The following CNKSR2 variants were observed in gnomAD, a reference collection of about 807,000 sequenced individuals.
The protein encoded by CNKSR2 is CNK homolog protein 2.
Under a neutral mutation model 84.4 loss-of-function variants are expected in CNKSR2, and 14 were observed. The ratio of observed to expected loss-of-function variants is 0.17; its 90% CI spans 0.11 to 0.26. The LOEUF (loss-of-function observed/expected upper bound fraction) is 0.26. CNKSR2 is among the 10% of genes least tolerant of loss of function. The pLI, the probability that CNKSR2 is intolerant of heterozygous loss-of-function variation, is 1.00. For synonymous variants in CNKSR2, 275 were observed against 277.9 expected (o/e 0.99, Z 0.10); for missense variants, 485 against 771.2 (o/e 0.63, Z 4.40).
intron 4 of CNKSR2, among the ~76,000 whole-genome samples, chrX:21,462,304 G>C (rs998064466): frequency 1.8e-5 from 2 of 111,800 alleles, no homozygotes; most frequent in Non-Finnish European, 3.8e-5. Flanking sequence ...TATTGAAAAT[G>C]GGATTATTTT....
At chrX:21,563,189 T>C in intron 12 of CNKSR2, 49 bp from the exon 13 acceptor site, 2 of 953,540 alleles carry the variant, frequency 2.1e-6, no homozygotes. Context: ...AATGGTAAAT[T>C]TGGGGTATTT....
At chrX:21,408,671 C>G (rs1180741338) in intron 1 of CNKSR2, among the ~76,000 whole-genome samples, 1 of 111,267 alleles carries the variant, frequency 9.0e-6, no homozygotes, top group African/African-American at 3.3e-5. Context: ...CTTTTGTTTA[C>G]CCTTTTATGT....
At chrX:21,424,722 G>T (rs771926152) in intron 1 of CNKSR2, 3 of 111,664 alleles carry the variant, frequency 2.7e-5, no homozygotes, top group Non-Finnish European at 5.7e-5. Context: ...TATCTCCAGC[G>T]TTCACAGCAG....
intron 1 of CNKSR2, among the ~76,000 whole-genome samples, chrX:21,415,481 C>T (rs2147024512): frequency 9.2e-6 from 1 of 109,197 alleles, no homozygotes; most frequent in African/African-American, 3.3e-5. Flanking sequence ...ATAAGATCAT[C>T]TCATCAGCAA....
intron 20 of CNKSR2, among the ~76,000 whole-genome samples, chrX:21,632,988 T>TACAC (rs1259737637): frequency 2.1e-5 from 2 of 96,822 alleles, no homozygotes; most frequent in African/African-American, 8.1e-5. Context: ...ACTTATATAA[T>TACAC]ATACACACAC....
chrX:21,621,900 A>T (rs1378651357), intron 20 of CNKSR2, among the ~76,000 whole-genome samples: 2 of 111,589 alleles, frequency 1.8e-5, no homozygotes, highest in Non-Finnish European at 3.8e-5. Context: ...ATTTATATTT[A>T]TATCAGGTTT....
intron 20 of CNKSR2, among the ~76,000 whole-genome samples, chrX:21,626,893 G>A (rs961696841): frequency 8.9e-6 from 1 of 112,035 alleles, no homozygotes; most frequent in Non-Finnish European, 1.9e-5. Flanking sequence ...ATTGGATAAG[G>A]AAATGAATTC....
At chrX:21,578,664 C>A (rs1027256578) in intron 13 of CNKSR2, among the ~76,000 whole-genome samples, 1 of 109,643 alleles carries the variant, frequency 9.1e-6, no homozygotes, top group Non-Finnish European at 1.9e-5. Context: ...AGTTACTCTG[C>A]ATGTAAGGGA....
chrX:21,548,967 A>G (rs1301399138), intron 11 of CNKSR2, among the ~76,000 whole-genome samples: 2 of 112,543 alleles, frequency 1.8e-5, no homozygotes, highest in Non-Finnish European at 3.7e-5. Context: ...CCAATATCAT[A>G]CTGAATGGGC....
At chrX:21,482,058 C>T (rs943450595) in intron 5 of CNKSR2, among the ~76,000 whole-genome samples, 23 of 111,669 alleles carry the variant, frequency 2.1e-4, no homozygotes, top group African/African-American at 7.5e-4. Context: ...AGCCTCCAAC[C>T]TTGTAGTAAT....
intron 1 of CNKSR2, among the ~76,000 whole-genome samples, chrX:21,390,510 A>G (rs1478253463): frequency 9.0e-6 from 1 of 111,062 alleles, no homozygotes; most frequent in Non-Finnish European, 1.9e-5. Context: ...GAAAGGTGCC[A>G]CACACTTTGA....
At chrX:21,464,311 C>A (rs2091099296) in intron 4 of CNKSR2, among the ~76,000 whole-genome samples, 1 of 112,035 alleles carries the variant, frequency 8.9e-6, no homozygotes. Context: ...ACACTCTCAT[C>A]ATCAGGCAGC....
chrX:21,394,814 A>C (rs757574628), intron 1 of CNKSR2, among the ~76,000 whole-genome samples: 2 of 112,100 alleles, frequency 1.8e-5, no homozygotes, highest in East Asian at 2.8e-4. Context: ...TTAAACACTG[A>C]ATCTGTGCAA....
intron 1 of CNKSR2, among the ~76,000 whole-genome samples, chrX:21,394,321 A>C (rs2090091963): frequency 8.9e-6 from 1 of 111,746 alleles, no homozygotes; most frequent in South Asian, 3.7e-4. Context: ...ATATGGCATG[A>C]AAATAAGATT....
intron 1 of CNKSR2, among the ~76,000 whole-genome samples, chrX:21,375,924 C>T (rs940268824): frequency 4.5e-5 from 5 of 111,689 alleles, no homozygotes; most frequent in Non-Finnish European, 9.4e-5. Context: ...CACCCACCAA[C>T]CCCTTGGATC....
At chrX:21,620,752 A>AT (rs2092598106) in intron 20 of CNKSR2, among the ~76,000 whole-genome samples, 1 of 111,482 alleles carries the variant, frequency 9.0e-6, no homozygotes, top group Non-Finnish European at 1.9e-5. Flanking sequence ...GATGGACAAG[A>AT]TAGTCTTTGA....
chrX:21,395,067 A>G (rs2090103245), intron 1 of CNKSR2, among the ~76,000 whole-genome samples: 1 of 111,781 alleles, frequency 8.9e-6, no homozygotes, highest in Non-Finnish European at 1.9e-5. Flanking sequence ...GTTGTGTAGA[A>G]TAGTTGTTTG....
intron 9 of CNKSR2, among the ~76,000 whole-genome samples, chrX:21,523,301 A>G (rs1387088497): frequency 9.0e-6 from 1 of 111,304 alleles, no homozygotes; most frequent in Non-Finnish European, 1.9e-5. Context: ...AGATCAAGTT[A>G]TGCTGAAGCT....
At chrX:21,502,736 A>G (rs1392214838) in intron 8 of CNKSR2, among the ~76,000 whole-genome samples, 1 of 111,879 alleles carries the variant, frequency 8.9e-6, no homozygotes, top group Non-Finnish European at 1.9e-5. Context: ...AAAAGTTGGT[A>G]AACGTTTTCA....
Sources: allele counts gnomAD v4.1 joint callset (sites outside exome capture counted in the v4.1 genomes callset), GRCh38; gene constraint gnomAD v4.1.1; transcripts MANE v1.5; gene names NCBI Gene and HGNC (gene_info 2026-07-23, HGNC 2026-07-21).